HPSE2: variants seen among roughly 807,000 people sequenced by gnomAD.
HPSE2 encodes the protein inactive heparanase-2.
HPSE2 carries 38 observed loss-of-function variants against 60.5 expected under a neutral mutation model. That is an observed-to-expected ratio of 0.63 (90% CI 0.48 to 0.82). The LOEUF is 0.82. Ranked by LOEUF, HPSE2 falls within the 40% of genes least tolerant of loss-of-function variation. HPSE2 has a pLI of 0.00. For missense variants in HPSE2, 713 were observed against 740.4 expected, an observed-to-expected ratio of 0.96 and a Z score of 0.43; for synonymous variants, 295 against 293.2, an observed-to-expected ratio of 1.01 and a Z score of -0.06.
chr10:98,804,019 C>A (rs1418287198), intron 3 of HPSE2, among the ~76,000 whole-genome samples: 1 of 151,730 alleles, frequency 6.6e-6, no homozygotes, highest in Non-Finnish European at 1.5e-5. Flanking sequence ...TTGTAGTTCT[C>A]CTTGAAGAGG....
At chr10:98,602,840 C>A (rs11189712) in intron 9 of HPSE2, among the ~76,000 whole-genome samples, 62,937 of 152,012 alleles carry the variant, frequency 0.41, 15,660 homozygotes, top group Admixed American at 0.53. Flanking sequence ...AGGAGAGCTA[C>A]AACTATACAA....
intron 3 of HPSE2, among the ~76,000 whole-genome samples, chr10:98,827,151 TAAAA>T (rs1331240173): frequency 2.8e-5 from 2 of 71,034 alleles, no homozygotes; most frequent in Non-Finnish European, 7.8e-5. Flanking sequence ...ACCCTGTCTC[TAAAA>T]AAAAATTTTT....
At chr10:99,259,305 C>T in the HPSE2 span, among the ~76,000 whole-genome samples, 1 of 58,402 alleles carries the variant, frequency 1.7e-5, no homozygotes, top group Non-Finnish European at 3.8e-5. Flanking sequence ...AAACCCCCCC[C>T]ACCAAAAAAA....
intron 3 of HPSE2, among the ~76,000 whole-genome samples, chr10:98,811,523 T>G (rs1951169255): frequency 6.6e-6 from 1 of 152,134 alleles, no homozygotes; most frequent in Non-Finnish European, 1.5e-5. Flanking sequence ...GAAAAGACAG[T>G]ACCTAGGATC....
intron 7 of HPSE2, among the ~76,000 whole-genome samples, chr10:98,631,879 T>C (rs1946374406): frequency 6.6e-6 from 1 of 152,200 alleles, no homozygotes; most frequent in Non-Finnish European, 1.5e-5. Context: ...CATTCAACCC[T>C]TACTTCATTC....
intron 2 of HPSE2, among the ~76,000 whole-genome samples, chr10:99,201,267 A>C (rs1848568106): frequency 6.6e-6 from 1 of 152,050 alleles, no homozygotes; most frequent in African/African-American, 2.4e-5. Context: ...CTTTGTAATG[A>C]GTCCCTAACT....
chr10:98,615,568 A>G (rs554994459), intron 8 of HPSE2, among the ~76,000 whole-genome samples: 4 of 152,336 alleles, frequency 2.6e-5, no homozygotes, highest in East Asian at 3.9e-4. Context: ...CCTTGGCACT[A>G]TAAGTAACTA....
chr10:98,852,924 T>G (rs1290164747), intron 3 of HPSE2, among the ~76,000 whole-genome samples: 2 of 152,190 alleles, frequency 1.3e-5, no homozygotes, highest in African/African-American at 2.4e-5. Context: ...AGCTAAGAAG[T>G]CACCTATATG....
intron 3 of HPSE2, among the ~76,000 whole-genome samples, chr10:99,053,264 C>A (rs986523343): frequency 6.6e-6 from 1 of 151,890 alleles, no homozygotes; most frequent in Non-Finnish European, 1.5e-5. Context: ...TATGCCGTTG[C>A]AAAACTTTTC....
chr10:98,903,188 T>A (rs1281450623), intron 3 of HPSE2, among the ~76,000 whole-genome samples: 2 of 152,130 alleles, frequency 1.3e-5, no homozygotes, highest in Non-Finnish European at 2.9e-5. Context: ...ACATATTATA[T>A]TATTTCATTT....
At chr10:99,161,367 A>T (rs984403752) in intron 2 of HPSE2, among the ~76,000 whole-genome samples, 2 of 152,218 alleles carry the variant, frequency 1.3e-5, no homozygotes, top group Admixed American at 6.5e-5. Flanking sequence ...TTCAGAAATA[A>T]AAAGAAACTA....
At chr10:98,614,701 A>ATGTGTGTGTGTGTGTGTGTG (rs141443710) in intron 9 of HPSE2, among the ~76,000 whole-genome samples, 3 of 148,918 alleles carry the variant, frequency 2.0e-5, no homozygotes, top group Admixed American at 6.7e-5. Context: ...GAGTGAACAG[A>ATGTGTGTGTGTGTGTGTGTG]TGTGTGTGTG....
At chr10:98,781,629 C>G (rs956979418) in intron 3 of HPSE2, among the ~76,000 whole-genome samples, 1 of 152,132 alleles carries the variant, frequency 6.6e-6, no homozygotes, top group African/African-American at 2.4e-5. Context: ...TTCAACTTTA[C>G]TTGTAATCAA....
intron 3 of HPSE2, among the ~76,000 whole-genome samples, chr10:99,007,212 A>G (rs1226075760): frequency 5.9e-5 from 9 of 152,108 alleles, no homozygotes; most frequent in Non-Finnish European, 1.0e-4. Flanking sequence ...TCTGACACCA[A>G]GATGAGCCTA....
At chr10:99,075,827 T>C (rs886994265) in intron 3 of HPSE2, among the ~76,000 whole-genome samples, 1 of 152,212 alleles carries the variant, frequency 6.6e-6, no homozygotes, top group African/African-American at 2.4e-5. Context: ...TTTTGTCTTA[T>C]ATAGCCACTC....
intron 3 of HPSE2, among the ~76,000 whole-genome samples, chr10:99,132,555 T>C (rs1054992387): frequency 6.6e-6 from 1 of 152,036 alleles, no homozygotes; most frequent in African/African-American, 2.4e-5. Flanking sequence ...GTTCATCGCA[T>C]TGGGTCTGGT....
chr10:98,683,366 C>A (rs1210880504), intron 6 of HPSE2, among the ~76,000 whole-genome samples: 4 of 141,398 alleles, frequency 2.8e-5, no homozygotes, highest in Admixed American at 2.1e-4. Context: ...GAAAAAAAAA[C>A]AAACTACCTA....
At chr10:98,465,759 A>G (rs1940501895) in intron 11 of HPSE2, among the ~76,000 whole-genome samples, 1 of 152,180 alleles carries the variant, frequency 6.6e-6, no homozygotes, top group African/African-American at 2.4e-5. Context: ...GACTTTTTAA[A>G]TCAAATGCTG....
chr10:98,675,538 C>CTA (rs1947613998), intron 6 of HPSE2, among the ~76,000 whole-genome samples: 1 of 96,442 alleles, frequency 1.0e-5, no homozygotes, highest in South Asian at 3.1e-4. Context: ...AGATCCCTGT[C>CTA]TACACACACA....
Sources: allele counts gnomAD v4.1 joint callset (sites outside exome capture counted in the v4.1 genomes callset), GRCh38; gene constraint gnomAD v4.1.1; transcripts MANE v1.5; gene names NCBI Gene and HGNC (gene_info 2026-07-23, HGNC 2026-07-21).